FHIP2A: variants seen among roughly 807,000 people sequenced by gnomAD.
The protein encoded by FHIP2A is FHF complex subunit HOOK interacting protein 2A.
A neutral mutation model predicts 93.5 loss-of-function variants in FHIP2A; 46 were observed. The observed-to-expected ratio is 0.49, with a 90% confidence interval of 0.39 to 0.63. The LOEUF is 0.63. Among genes scored for constraint, FHIP2A ranks in the 20% least tolerant of loss-of-function variants. The pLI, the probability that FHIP2A is intolerant of heterozygous loss-of-function variation, is 0.00. For missense variants in FHIP2A, 769 were observed against 909.7 expected, an observed-to-expected ratio of 0.85 and a Z score of 1.99; for synonymous variants, 332 against 326.5, an observed-to-expected ratio of 1.02 and a Z score of -0.18.
chr10:114,889,607 A>G (rs983607432), intron 16 of FHIP2A, among the ~76,000 whole-genome samples: 2 of 152,100 alleles, frequency 1.3e-5, no homozygotes, highest in South Asian at 2.1e-4. Context: ...CCTTACCTCT[A>G]TTACTTCAGG....
chr10:114,887,652 GA>G (rs2083949972), intron 16 of FHIP2A, among the ~76,000 whole-genome samples: 1 of 152,200 alleles, frequency 6.6e-6, no homozygotes, highest in African/African-American at 2.4e-5. Flanking sequence ...TCTCTCCATA[GA>G]TTAGGCAATG....
chr10:114,841,000 G>A (rs570037112), intron 5 of FHIP2A, among the ~76,000 whole-genome samples: 7 of 152,174 alleles, frequency 4.6e-5, no homozygotes, highest in Non-Finnish European at 1.0e-4. Flanking sequence ...TAAAGCCACA[G>A]TTCCTCATCA....
intron 16 of FHIP2A, among the ~76,000 whole-genome samples, chr10:114,897,885 G>A (rs543388809): frequency 7.9e-5 from 12 of 152,174 alleles, no homozygotes; most frequent in African/African-American, 2.9e-4. Context: ...CTCCAGCCTG[G>A]ATGACAAGAC....
At chr10:114,878,095 T>C (rs1192236070) in intron 16 of FHIP2A, among the ~76,000 whole-genome samples, 1 of 152,260 alleles carries the variant, frequency 6.6e-6, no homozygotes, top group Non-Finnish European at 1.5e-5. Flanking sequence ...TTTATGTATT[T>C]TCTTTCCAGT....
chr10:114,887,276 G>C (rs1310181599), intron 16 of FHIP2A, among the ~76,000 whole-genome samples: 2 of 152,140 alleles, frequency 1.3e-5, no homozygotes, highest in African/African-American at 4.8e-5. Context: ...ATTCCAATAT[G>C]GAGCACAATT....
chr10:114,843,835 G>A lies in FHIP2A; in HGVS notation c.911G>A (p.Cys304Tyr), dbSNP rs749556422. 1 of 1,612,312 alleles carries A rather than the reference G, an allele frequency of 6.2e-7. No individual in the cohort carries two copies. ...GCAAAGTGCCTTACACAGAGCACTTGCTTGTGTGAACTACTGACAGACAGA... is the reference window on the plus strand; with the variant it reads ...GCAAAGTGCCTTACACAGAGCACTTACTTGTGTGAACTACTGACAGACAGA... ...AAAKCLTQSTCLCELLTDRLA... is the reference protein window; with the variant it reads ...AAAKCLTQSTYLCELLTDRLA... The change falls in exon 7 of 17, where the codon TGC (cysteine) becomes TAC (tyrosine). Residue 304 changes from cysteine (C) to tyrosine (Y), a missense_variant. Transcript: ENST00000369248.
chr10:114,848,624 A>G (rs1354843279), intron 12 of FHIP2A, 23 bp from the exon 13 acceptor site: 1 of 1,462,244 alleles, frequency 6.8e-7, no homozygotes, highest in Non-Finnish European at 9.5e-7. Flanking sequence ...CATCTTGCAT[A>G]ATTGTGGCCG....
At chr10:114,830,529 C>T (rs1372221842) in intron 1 of FHIP2A, among the ~76,000 whole-genome samples, 2 of 152,034 alleles carry the variant, frequency 1.3e-5, no homozygotes, top group East Asian at 3.8e-4. Context: ...ACCTCAGCCT[C>T]CCAGAGTGCT....
intron 12 of FHIP2A, among the ~76,000 whole-genome samples, chr10:114,847,860 C>A (rs530418232): frequency 6.6e-6 from 1 of 151,728 alleles, no homozygotes; most frequent in East Asian, 1.9e-4. Context: ...GATTCTCCTG[C>A]CTCAGGCTCC....
intron 6 of FHIP2A, 40 bp downstream of exon 6, chr10:114,843,266 T>G: frequency 3.1e-5 from 38 of 1,229,380 alleles, no homozygotes; most frequent in Non-Finnish European, 4.1e-5. Flanking sequence ...TAACATTATT[T>G]CAATAATGTG....
chr10:114,863,481 A>G lies in FHIP2A; in HGVS notation c.*1941A>G, dbSNP rs1406682214. The G allele has an allele frequency of 1.8e-6, 2 of 1,119,770 alleles. No individual in the cohort carries two copies. The highest frequency in any genetic ancestry group is 1.0e-4 in the Admixed American group (2 of 20,074). 69.4% of individuals were successfully genotyped at this position (1,119,770 alleles called of 1,614,324 possible). ...ACCTTATAACTAGTCCATGAAACCAAGCTCAGAAAAGCTTTAACTCTTATA... is the reference window on the plus strand; with the variant it reads ...ACCTTATAACTAGTCCATGAAACCAGGCTCAGAAAAGCTTTAACTCTTATA... On this transcript the variant is annotated 3_prime_UTR_variant, in exon 17 of 17. Transcript: ENST00000369248.
At chr10:114,861,057 G>A (rs967951238) in intron 15 of FHIP2A, among the ~76,000 whole-genome samples, 168 bp downstream of exon 15, 1 of 152,116 alleles carries the variant, frequency 6.6e-6, no homozygotes. Flanking sequence ...TAAATAATAT[G>A]TAACTTTTAT....
intron 16 of FHIP2A, among the ~76,000 whole-genome samples, chr10:114,871,293 C>G (rs2083859085): frequency 6.6e-6 from 1 of 152,032 alleles, no homozygotes; most frequent in African/African-American, 2.4e-5. Context: ...GCTGGGACTA[C>G]AGGATCATGC....
At chr10:114,828,318 G>A (rs1048614267) in intron 1 of FHIP2A, among the ~76,000 whole-genome samples, 1 of 152,120 alleles carries the variant, frequency 6.6e-6, no homozygotes, top group Non-Finnish European at 1.5e-5. Flanking sequence ...TTCTCTGTCT[G>A]GTGACCAGAG....
intron 11 of FHIP2A, 32 bp from the exon 12 acceptor site, chr10:114,847,058 G>A: frequency 1.3e-6 from 2 of 1,535,876 alleles, no homozygotes; most frequent in Non-Finnish European, 8.9e-7. Context: ...TAATAAAATA[G>A]TGCTTTTTAT....
intron 5 of FHIP2A, among the ~76,000 whole-genome samples, chr10:114,837,155 C>T (rs1362753821): frequency 2.0e-5 from 3 of 152,112 alleles, no homozygotes; most frequent in Non-Finnish European, 4.4e-5. Flanking sequence ...CCTCCTGCCT[C>T]GGCCTCCCAA....
At chr10:114,832,710 ATTTT>A (rs35892795) in intron 2 of FHIP2A, among the ~76,000 whole-genome samples, 4 of 125,234 alleles carry the variant, frequency 3.2e-5, no homozygotes, top group African/African-American at 3.0e-5. Context: ...TATATTTGAG[ATTTT>A]TTTTTTTTTT....
At position 114,846,022 on chromosome 10, in the gene FHIP2A, G is replaced by A. The variant is rs148193299; in HGVS notation, c.1138G>A (p.Val380Ile). 6.2e-6 allele frequency: 10 copies of A among 1,612,458 alleles called. No homozygotes were observed. The highest frequency in any genetic ancestry group is 1.7e-5 in the Admixed American group (1 of 59,922). Residue 380 changes from valine to isoleucine, a missense_variant, in exon 9 of 17, where the codon GTT (valine) becomes ATT (isoleucine). Val to Ile is a conservative substitution (Grantham distance 29, BLOSUM62 3). Transcript: ENST00000369248. ...TCCTACTATATTCTAGACTGCTGCT[G>A]TTGCTCTTGCCAAAGCTGTTCATGA... ...LIKEAQKTAA[V>I]ALAKAVHERF... is the part of the protein sequence containing the mutation.
chr10:114,899,693 C>A, exon 17 of FHIP2A: 1 of 524,848 alleles, frequency 1.9e-6, no homozygotes, highest in Non-Finnish European at 3.4e-6. Context: ...TTTGGCTTGA[C>A]CAGGCTCATC....
Sources: gnomAD v4.1 joint callset for allele counts (sites outside exome capture counted in the v4.1 genomes callset) on GRCh38, gnomAD v4.1.1 for gene constraint, MANE v1.5 for transcripts, NCBI Gene and HGNC (gene_info 2026-07-23, HGNC 2026-07-21) for gene names.